Variants in GABRG3 observed in about 807,000 individuals in gnomAD.
The protein encoded by GABRG3 is gamma-aminobutyric acid receptor subunit gamma-3.
Under a neutral mutation model 48.8 loss-of-function variants are expected in GABRG3, and 25 were observed. The observed-to-expected ratio is 0.51, with a 90% confidence interval of 0.37 to 0.72. The LOEUF is 0.72. GABRG3 is among the 30% of genes least tolerant of loss of function. The pLI is 0.00. For synonymous variants in GABRG3, 227 were observed against 217.6 expected, an observed-to-expected ratio of 1.04 and a Z score of -0.38; for missense variants, 394 against 577.9, an observed-to-expected ratio of 0.68 and a Z score of 3.26.
intron 3 of GABRG3, among the ~76,000 whole-genome samples, chr15:27,238,915 T>TA (rs1890055180): frequency 6.6e-6 from 1 of 152,190 alleles, no homozygotes; most frequent in African/African-American, 2.4e-5. Flanking sequence ...CGATTGTTAG[T>TA]ATCCCAACAA....
rs181998969 is a variant in GABRG3, at chr15:27,304,674, C to G, written c.271-22135C>G. On this transcript the variant is annotated intron_variant, in intron 3 of 9. Coordinates refer to ENST00000615808, the MANE Select transcript of GABRG3 (RefSeq NM_033223.5). ...CTGCCTCTGATCTTACTGTTTTTCT[C>G]TTACATGGGCCTCAGTGATTACATT... is the stretch of plus-strand genomic sequence containing the variant. Among the ~76,000 whole-genome samples the G allele has an allele frequency of 1.3e-3, 198 of 152,036 alleles. 1 individual carries two copies. The highest frequency in any genetic ancestry group is 2.4e-3 in the Non-Finnish European group (164 of 67,914).
At chr15:27,045,904 G>T (rs1896354384) in intron 3 of GABRG3, among the ~76,000 whole-genome samples, 1 of 152,130 alleles carries the variant, frequency 6.6e-6, no homozygotes, top group Non-Finnish European at 1.5e-5. Context: ...AGTTCTAAAT[G>T]CATGGAGAAA....
intron 3 of GABRG3, among the ~76,000 whole-genome samples, chr15:27,129,177 A>C (rs1229522227): frequency 6.6e-6 from 1 of 152,172 alleles, no homozygotes; most frequent in Non-Finnish European, 1.5e-5. Context: ...CATCTTCTAA[A>C]ACTGAAATTT....
intron 5 of GABRG3, among the ~76,000 whole-genome samples, chr15:27,360,034 T>C (rs1894970192): frequency 6.6e-6 from 1 of 152,136 alleles, no homozygotes; most frequent in Non-Finnish European, 1.5e-5. Context: ...GAGCCCAGCC[T>C]CCAAGAGTCA....
rs74740862 is a variant in GABRG3 at position 27,541,874 on chromosome 15, C to G, written c.*8993C>G. 2.0e-5 allele frequency: 3 copies of G among 152,244 alleles called. No homozygotes were observed. Among genetic ancestry groups the G allele is most frequent in the Non-Finnish European group, 4.4e-5 (3 of 68,068 alleles). The allele number at this position is 152,244 out of a possible 1,614,324, so 9.4% of individuals were successfully genotyped here. A position where few individuals can be genotyped will look rare whatever the true frequency, so the allele number is the denominator to read the frequency against. On this transcript the variant is annotated 3_prime_UTR_variant, in exon 10 of 10. Transcript: ENST00000615808. Reference sequence around the variant, plus strand: ...GCGCCGCGCCCCGCTTCGTGCGTCCCGTCCCCGCCGTGCCCTCAGCTGGGC... The same window carrying G: ...GCGCCGCGCCCCGCTTCGTGCGTCCGGTCCCCGCCGTGCCCTCAGCTGGGC...
At chr15:27,083,596 G>T (rs977547651) in intron 3 of GABRG3, among the ~76,000 whole-genome samples, 3 of 152,000 alleles carry the variant, frequency 2.0e-5, no homozygotes, top group African/African-American at 7.2e-5. Context: ...AAAGTGCTGG[G>T]ATTACAGGCA....
At chr15:27,318,482 G>C (rs1035912920) in intron 3 of GABRG3, among the ~76,000 whole-genome samples, 2 of 152,094 alleles carry the variant, frequency 1.3e-5, no homozygotes, top group African/African-American at 4.8e-5. Context: ...GTGTGTTGAT[G>C]CTCTGAATCA....
intron 3 of GABRG3, among the ~76,000 whole-genome samples, chr15:27,229,032 A>C (rs1006958380): frequency 1.3e-5 from 2 of 152,162 alleles, no homozygotes; most frequent in Non-Finnish European, 1.5e-5. Context: ...TAATCTGTTA[A>C]TATTTCCTTT....
At chr15:27,516,604 C>G (rs2150860624) in intron 6 of GABRG3, among the ~76,000 whole-genome samples, 1 of 152,280 alleles carries the variant, frequency 6.6e-6, no homozygotes, top group South Asian at 2.1e-4. Flanking sequence ...TTTTATTTAT[C>G]TGATTCTGAC....
At chr15:27,525,534 T>G (rs1891254900) in intron 7 of GABRG3, among the ~76,000 whole-genome samples, 3 of 151,318 alleles carry the variant, frequency 2.0e-5, no homozygotes, top group African/African-American at 4.9e-5. Flanking sequence ...AGGGTGGGGG[T>G]GGAAGTGGGG....
At chr15:27,475,849 T>C (rs972133574) in intron 5 of GABRG3, among the ~76,000 whole-genome samples, 1 of 151,972 alleles carries the variant, frequency 6.6e-6, no homozygotes, top group African/African-American at 2.4e-5. Flanking sequence ...TTGATGATTG[T>C]GATGGTGATG....
At chr15:27,094,832 G>GA (rs552865277) in intron 3 of GABRG3, among the ~76,000 whole-genome samples, 131 of 152,116 alleles carry the variant, frequency 8.6e-4, no homozygotes, top group Middle Eastern at 6.8e-3. Context: ...GCACAAAGAA[G>GA]AAAAAATCCT....
At chr15:27,195,393 G>T (rs1223444968) in intron 3 of GABRG3, among the ~76,000 whole-genome samples, 1 of 152,068 alleles carries the variant, frequency 6.6e-6, no homozygotes, top group Non-Finnish European at 1.5e-5. Context: ...GTGCAGTGGT[G>T]CAGTCTCAGC....
chr15:27,022,707 C>G (rs80204882), intron 2 of GABRG3, among the ~76,000 whole-genome samples: 1 of 152,182 alleles, frequency 6.6e-6, no homozygotes, highest in Admixed American at 6.5e-5. Context: ...CAGACCCGCC[C>G]GGCCCTGCAT....
intron 3 of GABRG3, 37 bp downstream of exon 3, chr15:27,026,858 T>G (rs1350464133): frequency 7.0e-7 from 1 of 1,432,958 alleles, no homozygotes; most frequent in Non-Finnish European, 9.6e-7. Context: ...TAACGGCTGT[T>G]GCACCTCTTC....
intron 5 of GABRG3, chr15:27,350,212 T>G (rs1281408568): frequency 4.4e-6 from 2 of 455,616 alleles, no homozygotes; most frequent in African/African-American, 4.0e-5. Flanking sequence ...ACAGATCACC[T>G]CCTCGGAGAC....
chr15:27,212,023 G>T lies in GABRG3; in HGVS notation c.271-114786G>T, dbSNP rs1454193157. Among the ~76,000 whole-genome samples, 4 of 152,204 alleles carry T rather than the reference G, an allele frequency of 2.6e-5. No homozygotes were observed. The East Asian group carries it at 7.7e-4, about 29-fold the overall frequency. ...GAATTTCTTAAAATATCCCTTCAGT[G>T]TTGGCTCTGTTTCCTTTGAAAAACA... On this transcript the variant is annotated intron_variant, in intron 3 of 9. Coordinates refer to ENST00000615808, the MANE Select transcript of GABRG3 (RefSeq NM_033223.5).
chr15:27,337,025 ATAAG>A (rs1229004351), intron 5 of GABRG3, among the ~76,000 whole-genome samples: 1 of 152,214 alleles, frequency 6.6e-6, no homozygotes, highest in Non-Finnish European at 1.5e-5. Context: ...GAAGACCTAA[ATAAG>A]TAGAAAAGCA....
At chr15:27,463,156 T>C (rs1311381645) in intron 5 of GABRG3, among the ~76,000 whole-genome samples, 1 of 152,156 alleles carries the variant, frequency 6.6e-6, no homozygotes, top group Non-Finnish European at 1.5e-5. Context: ...CAGATTTTAT[T>C]TGAATTACAA....
Sources: allele counts gnomAD v4.1 joint callset (sites outside exome capture counted in the v4.1 genomes callset), GRCh38; gene constraint gnomAD v4.1.1; transcripts MANE v1.5; gene names NCBI Gene and HGNC (gene_info 2026-07-23, HGNC 2026-07-21).